MACROD2: variants seen among roughly 807,000 people sequenced by gnomAD.
The protein encoded by MACROD2 is ADP-ribose glycohydrolase MACROD2.
In MACROD2, 36 loss-of-function variants were observed where a neutral mutation model predicts 70.4. The ratio of observed to expected loss-of-function variants is 0.51; its 90% CI spans 0.39 to 0.68. MACROD2 has a LOEUF of 0.68. Ranked by LOEUF, MACROD2 falls within the 30% of genes least tolerant of loss-of-function variation. The pLI, the probability that MACROD2 is intolerant of heterozygous loss-of-function variation, is 0.00. For missense variants in MACROD2, 496 were observed against 538.4 expected, an observed-to-expected ratio of 0.92 and a Z score of 0.78; for synonymous variants, 172 against 178.8, an observed-to-expected ratio of 0.96 and a Z score of 0.30.
chr20:14,065,556 TCTC>T (rs1289367646), intron 2 of MACROD2, among the ~76,000 whole-genome samples: 1 of 152,134 alleles, frequency 6.6e-6, no homozygotes, highest in African/African-American at 2.4e-5. Flanking sequence ...TAGTAATAAT[TCTC>T]CTCCTGCCAG....
chr20:14,819,614 G>A (rs1281199357), intron 5 of MACROD2, among the ~76,000 whole-genome samples: 1 of 151,978 alleles, frequency 6.6e-6, no homozygotes, highest in Non-Finnish European at 1.5e-5. Flanking sequence ...GTTGTGATGG[G>A]AAATTCAGTT....
intron 5 of MACROD2, among the ~76,000 whole-genome samples, chr20:15,117,571 C>T (rs1042016674): frequency 6.6e-6 from 1 of 152,182 alleles, no homozygotes; most frequent in Non-Finnish European, 1.5e-5. Flanking sequence ...TGGAAAAACT[C>T]ATTCTCTCTC....
At chr20:15,049,676 G>T (rs769377466) in intron 5 of MACROD2, among the ~76,000 whole-genome samples, 10 of 152,090 alleles carry the variant, frequency 6.6e-5, no homozygotes, top group Non-Finnish European at 1.5e-4. Flanking sequence ...GACCGGGTGC[G>T]TTGGCTCATG....
In MACROD2 at chr20:15,972,809, ACT is replaced by A. The variant is rs1255870272; in HGVS notation, c.985+5182_985+5183del. 6.6e-5 allele frequency among the ~76,000 whole-genome samples: 10 copies of A among 151,930 alleles called. No homozygotes were observed. In the East Asian group the frequency reaches 1.9e-3, roughly 29 times the overall value. ...ACTCCAGCCTGAGTGACAGAGCAAGACTCTGTCAAAAAAGAAAAAAAAAAGAT... is the reference window on the plus strand; with the variant it reads ...ACTCCAGCCTGAGTGACAGAGCAAGACTGTCAAAAAAGAAAAAAAAAAGAT... On this transcript the variant is annotated intron_variant, in intron 13 of 17. Coordinates refer to ENST00000684519, the MANE Select transcript of MACROD2 (RefSeq NM_001351661.2).
At chr20:15,900,664 C>T (rs565208718) in intron 10 of MACROD2, among the ~76,000 whole-genome samples, 17 of 152,308 alleles carry the variant, frequency 1.1e-4, no homozygotes, top group Non-Finnish European at 2.5e-4. Context: ...GGAACGATCC[C>T]AATTTATGCA....
intron 5 of MACROD2, among the ~76,000 whole-genome samples, chr20:15,133,467 T>C (rs1310156012): frequency 6.6e-6 from 1 of 152,060 alleles, no homozygotes; most frequent in Non-Finnish European, 1.5e-5. Context: ...ATATAAATCA[T>C]AGGGAAAATC....
At chr20:15,953,704 C>G (rs1601204034) in intron 12 of MACROD2, among the ~76,000 whole-genome samples, 1 of 152,040 alleles carries the variant, frequency 6.6e-6, no homozygotes, top group Non-Finnish European at 1.5e-5. Context: ...TCAGTGATGC[C>G]TAGAACTAAA....
chr20:15,926,930 G>T (rs1208116475), intron 10 of MACROD2, among the ~76,000 whole-genome samples: 1 of 152,194 alleles, frequency 6.6e-6, no homozygotes, highest in Non-Finnish European at 1.5e-5. Flanking sequence ...AGGCTGAGAA[G>T]AGGTGTTGAG....
chr20:14,603,321 A>G (rs1393356589), intron 4 of MACROD2, among the ~76,000 whole-genome samples: 1 of 152,206 alleles, frequency 6.6e-6, no homozygotes, highest in African/African-American at 2.4e-5. Context: ...AAGTTGGAGG[A>G]AAGAGTAATT....
intron 15 of MACROD2, among the ~76,000 whole-genome samples, chr20:16,032,751 G>A (rs202143141): frequency 3.0e-4 from 26 of 85,850 alleles, no homozygotes; most frequent in Middle Eastern, 9.3e-3. Context: ...GGAAGAAAGG[G>A]AGGAGGGAAG....
At chr20:15,274,633 G>A (rs1480451344) in intron 6 of MACROD2, among the ~76,000 whole-genome samples, 7 of 152,326 alleles carry the variant, frequency 4.6e-5, no homozygotes, top group African/African-American at 1.7e-4. Flanking sequence ...AAGTGATTGA[G>A]TTTCATTCAT....
intron 8 of MACROD2, among the ~76,000 whole-genome samples, chr20:15,820,093 C>G (rs544914666): frequency 6.6e-6 from 1 of 152,116 alleles, no homozygotes; most frequent in Non-Finnish European, 1.5e-5. Flanking sequence ...TGCTCTATAT[C>G]CTAGGAGAAG....
chr20:14,029,087 G>A (rs1461643257), intron 2 of MACROD2, among the ~76,000 whole-genome samples: 1 of 152,278 alleles, frequency 6.6e-6, no homozygotes, highest in African/African-American at 2.4e-5. Context: ...TCAGACAGTT[G>A]CTAGCTCATA....
At chr20:15,216,297 T>C (rs1314754655) in intron 5 of MACROD2, among the ~76,000 whole-genome samples, 1 of 152,080 alleles carries the variant, frequency 6.6e-6, no homozygotes, top group African/African-American at 2.4e-5. Context: ...TATCAAAATA[T>C]TTTATGTACC....
At chr20:14,313,273 A>G (rs545265472) in intron 3 of MACROD2, among the ~76,000 whole-genome samples, 9 of 152,318 alleles carry the variant, frequency 5.9e-5, no homozygotes, top group African/African-American at 1.9e-4. Context: ...TTTTGTGAAC[A>G]TTTGGTAAGC....
At chr20:15,286,472 A>C (rs2077492437) in intron 6 of MACROD2, among the ~76,000 whole-genome samples, 1 of 149,210 alleles carries the variant, frequency 6.7e-6, no homozygotes, top group Admixed American at 6.7e-5. Context: ...GGGGACATAC[A>C]CAAAGACAGA....
intron 8 of MACROD2, among the ~76,000 whole-genome samples, chr20:15,854,308 GA>G (rs2064333644): frequency 6.6e-6 from 1 of 152,130 alleles, no homozygotes; most frequent in African/African-American, 2.4e-5. Flanking sequence ...CTCGTGTCCT[GA>G]ACTGCTTTGG....
intron 6 of MACROD2, among the ~76,000 whole-genome samples, chr20:15,346,887 T>G (rs549774775): frequency 4.6e-5 from 7 of 152,222 alleles, no homozygotes; most frequent in Non-Finnish European, 1.0e-4. Flanking sequence ...GGGAGTATAT[T>G]TAGTCTGAAA....
At chr20:15,456,900 C>T (rs2046734606) in intron 7 of MACROD2, among the ~76,000 whole-genome samples, 2 of 151,872 alleles carry the variant, frequency 1.3e-5, no homozygotes, top group Admixed American at 6.6e-5. Flanking sequence ...TTTGGCTGTC[C>T]CTTCATGGGC....
Sources: allele counts gnomAD v4.1 joint callset (sites outside exome capture counted in the v4.1 genomes callset), GRCh38; gene constraint gnomAD v4.1.1; transcripts MANE v1.5; gene names NCBI Gene and HGNC (gene_info 2026-07-23, HGNC 2026-07-21).